Variants in BCKDHB observed in about 807,000 individuals in gnomAD.
BCKDHB encodes the protein 2-oxoisovalerate dehydrogenase subunit beta, mitochondrial.
BCKDHB carries 41 observed loss-of-function variants against 48.5 expected under a neutral mutation model. The ratio of observed to expected loss-of-function variants is 0.85; its 90% confidence interval spans 0.66 to 1.10. The LOEUF is 1.10. Ranked by LOEUF, BCKDHB falls within the 50% of genes least tolerant of loss-of-function variation. The pLI, the probability that BCKDHB is intolerant of heterozygous loss-of-function variation, is 0.00. For missense variants in BCKDHB, 496 were observed against 494.2 expected, an observed-to-expected ratio of 1.00 and a Z score of -0.03; for synonymous variants, 201 against 174.8, an observed-to-expected ratio of 1.15 and a Z score of -1.18.
rs142594615 is a variant in BCKDHB at position 80,147,394 on chromosome 6, A to G, written c.343+18165A>G. On this transcript the variant is annotated intron_variant, in intron 3 of 9. Coordinates refer to ENST00000320393, the MANE Select transcript of BCKDHB (RefSeq NM_183050.4). Reference sequence around the variant, plus strand: ...ATGTGCTCAATAAATATAAGGAGTTATTGCTATTTTTATAAAATTATATGT... The same window carrying G: ...ATGTGCTCAATAAATATAAGGAGTTGTTGCTATTTTTATAAAATTATATGT... Among the ~76,000 whole-genome samples the G allele has an allele frequency of 6.9e-3, 1,050 of 152,268 alleles. 8 individuals carry two copies. The highest frequency in any genetic ancestry group is 0.024 in the African/African-American group (990 of 41,560).
chr6:80,191,286 A>G lies in BCKDHB; in HGVS notation c.743-9648A>G, dbSNP rs142911786. On this transcript the variant is annotated intron_variant, in intron 6 of 9. Transcript: ENST00000320393. The stretch of plus-strand genomic sequence containing the variant: ...CATGTATTCCCCGTATATCTTTCTT[A>G]CCTGAAAATAATTGTGTTTTGTCAG... 3.6e-4 allele frequency among the ~76,000 whole-genome samples: 55 copies of G among 152,256 alleles called. No homozygotes were observed. The East Asian group carries it at 0.01, about 28-fold the overall frequency.
intron 3 of BCKDHB, among the ~76,000 whole-genome samples, chr6:80,130,515 C>T (rs971466777): frequency 3.3e-5 from 5 of 152,164 alleles, no homozygotes; most frequent in East Asian, 3.9e-4. Flanking sequence ...GGATCCAGTC[C>T]GTCTGCTTTC....
At chr6:80,426,055 A>G in the BCKDHB span, among the ~76,000 whole-genome samples, 1 of 152,126 alleles carries the variant, frequency 6.6e-6, no homozygotes, top group South Asian at 2.1e-4. Flanking sequence ...ATACAGCTTC[A>G]TTTGCCTAAT....
chr6:80,162,476 A>AT (rs1453415854), intron 3 of BCKDHB, among the ~76,000 whole-genome samples: 1 of 151,864 alleles, frequency 6.6e-6, no homozygotes, highest in African/African-American at 2.4e-5. Flanking sequence ...CATTTTATTA[A>AT]TTTTCTCAAA....
At chr6:80,398,742 G>A in the BCKDHB span, among the ~76,000 whole-genome samples, 1 of 150,150 alleles carries the variant, frequency 6.7e-6, no homozygotes, top group Admixed American at 6.6e-5. Flanking sequence ...CTCATTCTAT[G>A]AGGCCAGAAT....
the BCKDHB span, among the ~76,000 whole-genome samples, chr6:80,361,269 T>C: frequency 6.6e-6 from 1 of 152,164 alleles, no homozygotes; most frequent in Non-Finnish European, 1.5e-5. Context: ...TATTTGTTCA[T>C]TCTAATTCGA....
chr6:80,114,168 G>A (rs1291745622), intron 1 of BCKDHB, among the ~76,000 whole-genome samples: 1 of 151,990 alleles, frequency 6.6e-6, no homozygotes, highest in African/African-American at 2.4e-5. Context: ...GTTGGCCTTA[G>A]GTTCCCTGCC....
chr6:80,450,793 G>A, the BCKDHB span, among the ~76,000 whole-genome samples: 1 of 152,118 alleles, frequency 6.6e-6, no homozygotes, highest in East Asian at 1.9e-4. Context: ...GGCCCAGTGG[G>A]ATTCCAAACG....
intron 1 of BCKDHB, among the ~76,000 whole-genome samples, chr6:80,115,586 A>AT (rs1769648054): frequency 6.6e-6 from 1 of 151,750 alleles, no homozygotes; most frequent in Non-Finnish European, 1.5e-5. Flanking sequence ...ATACTTCACC[A>AT]GGCATATACT....
chr6:80,447,833 C>T, the BCKDHB span, among the ~76,000 whole-genome samples: 2 of 151,992 alleles, frequency 1.3e-5, no homozygotes, highest in African/African-American at 4.8e-5. Context: ...CTCATTTAAC[C>T]CTCTCAGACA....
the BCKDHB span, among the ~76,000 whole-genome samples, chr6:80,460,851 A>G: frequency 1.3e-5 from 2 of 151,890 alleles, no homozygotes; most frequent in Admixed American, 6.6e-5. Flanking sequence ...TGTTGACTGA[A>G]CTCTTCTCTG....
chr6:80,169,901 C>T lies in BCKDHB; in HGVS notation c.633+871C>T, dbSNP rs879126816. 72 of 1,563,174 alleles carry T rather than the reference C, an allele frequency of 4.6e-5. No individual in the cohort carries two copies. In the South Asian group the frequency reaches 6.2e-4, roughly 13 times the overall value. ...TGTAGACTGGGAAAGAAGCCATGTG[C>T]GAGGCAAGTTATTTTTGTGCTTGAG... On this transcript the variant is annotated intron_variant, in intron 5 of 9. Coordinates refer to ENST00000320393, the MANE Select transcript of BCKDHB (RefSeq NM_183050.4).
chr6:80,285,262 G>T (rs1390509574), intron 9 of BCKDHB, among the ~76,000 whole-genome samples: 3 of 152,084 alleles, frequency 2.0e-5, no homozygotes, highest in African/African-American at 7.2e-5. Flanking sequence ...CAGCTTTTCT[G>T]TGGCAGTCCC....
chr6:80,269,490 G>T (rs145788016), intron 8 of BCKDHB, among the ~76,000 whole-genome samples: 18 of 152,200 alleles, frequency 1.2e-4, no homozygotes, highest in African/African-American at 4.3e-4. Flanking sequence ...TCAGGGTCCT[G>T]ATCTTCAATT....
At chr6:80,158,924 A>C (rs762211604) in intron 3 of BCKDHB, among the ~76,000 whole-genome samples, 2 of 152,208 alleles carry the variant, frequency 1.3e-5, no homozygotes, top group Non-Finnish European at 2.9e-5. Context: ...TACCTTGATG[A>C]CAGGATTGCT....
chr6:80,190,605 G>T (rs1300274823), intron 6 of BCKDHB, among the ~76,000 whole-genome samples: 1 of 151,990 alleles, frequency 6.6e-6, no homozygotes, highest in African/African-American at 2.4e-5. Flanking sequence ...ATGTTGAAAG[G>T]GCTCACTAAA....
intron 3 of BCKDHB, among the ~76,000 whole-genome samples, chr6:80,165,220 T>TA (rs1189745249): frequency 6.6e-6 from 1 of 152,174 alleles, no homozygotes; most frequent in Non-Finnish European, 1.5e-5. Flanking sequence ...AGCTGGAATT[T>TA]ACGTTCATTT....
intron 1 of BCKDHB, among the ~76,000 whole-genome samples, chr6:80,113,694 G>A (rs1769534936): frequency 6.6e-6 from 1 of 152,064 alleles, no homozygotes; most frequent in South Asian, 2.1e-4. Flanking sequence ...ACAAAGAATT[G>A]GACAAAAGGC....
chr6:80,163,922 C>A (rs985136205), intron 3 of BCKDHB, among the ~76,000 whole-genome samples: 2 of 152,164 alleles, frequency 1.3e-5, no homozygotes, highest in African/African-American at 4.8e-5. Flanking sequence ...TAGAGTATAT[C>A]CAGAGTCTCA....
Sources: gnomAD v4.1 joint callset for allele counts (sites outside exome capture counted in the v4.1 genomes callset) on GRCh38, gnomAD v4.1.1 for gene constraint, MANE v1.5 for transcripts, NCBI Gene and HGNC (gene_info 2026-07-23, HGNC 2026-07-21) for gene names.